KIF1B: variants seen among roughly 807,000 people sequenced by gnomAD.
KIF1B encodes kinesin-like protein KIF1B.
In KIF1B, 76 loss-of-function variants were observed where a neutral mutation model predicts 241.9. That is an observed-to-expected ratio of 0.31 (90% CI 0.26 to 0.38). The LOEUF (loss-of-function observed/expected upper bound fraction) is 0.38, where lower values mean the gene tolerates loss of function less well. KIF1B is among the 10% of genes least tolerant of loss of function. The probability of loss-of-function intolerance (pLI) is 1.00; values close to 1 mark genes in which losing one functional copy is unlikely to be tolerated. For missense variants in KIF1B, 1,622 were observed against 2,271.4 expected, an observed-to-expected ratio of 0.71 and a Z score of 5.81; for synonymous variants, 750 against 796.7, an observed-to-expected ratio of 0.94 and a Z score of 0.99.
At chr1:10,372,663 G>T (rs188880781) in intron 45 of KIF1B, among the ~76,000 whole-genome samples, 31,944 of 116,636 alleles carry the variant, frequency 0.27, 4,532 homozygotes, top group Admixed American at 0.32. Flanking sequence ...GGGTGACAGA[G>T]CTGTCACCCA....
At chr1:10,301,959 T>C (rs1290700008) in intron 22 of KIF1B, among the ~76,000 whole-genome samples, 1 of 152,186 alleles carries the variant, frequency 6.6e-6, no homozygotes, top group Non-Finnish European at 1.5e-5. Context: ...AAAGAGGCAA[T>C]GGTGCAAAGA....
intron 16 of KIF1B, among the ~76,000 whole-genome samples, chr1:10,291,490 C>T (rs986244446): frequency 3.9e-5 from 6 of 152,062 alleles, no homozygotes; most frequent in Non-Finnish European, 7.4e-5. Context: ...GTGGGCAGAT[C>T]ACGAGGTCGG....
intron 32 of KIF1B, 108 bp downstream of exon 32, chr1:10,339,967 G>C: frequency 1.1e-6 from 1 of 917,300 alleles, no homozygotes; most frequent in South Asian, 1.4e-5. Context: ...TGTGCAGGGG[G>C]AGAGTAGACA....
intron 23 of KIF1B, among the ~76,000 whole-genome samples, chr1:10,320,381 A>G (rs546941888): frequency 2.6e-5 from 4 of 152,278 alleles, no homozygotes; most frequent in Admixed American, 2.0e-4. Context: ...GAGCACGTTC[A>G]TTTAAATCCC....
At chr1:10,267,813 TGTTA>T (rs1428475643) in intron 6 of KIF1B, among the ~76,000 whole-genome samples, 1 of 152,174 alleles carries the variant, frequency 6.6e-6, no homozygotes, top group Non-Finnish European at 1.5e-5. Context: ...CATGGTAAAA[TGTTA>T]GTTATCATGT....
rs960143352 is a variant in KIF1B, at chr1:10,253,971, C to T, written c.107-2276C>T. Among the ~76,000 whole-genome samples, 4 of 152,148 alleles carry T rather than the reference C, an allele frequency of 2.6e-5. No homozygotes were observed. In the East Asian group the frequency reaches 5.8e-4, roughly 22 times the overall value. The stretch of plus-strand genomic sequence containing the variant: ...ATTTGTGTACTGAGCAACAGCTGTG[C>T]GAGACAGATTTATTTTTTAATCCTG... On this transcript the variant is annotated intron_variant, in intron 2 of 48. Transcript: ENST00000676179.
intron 22 of KIF1B, among the ~76,000 whole-genome samples, chr1:10,301,502 C>T (rs1015206193): frequency 6.6e-6 from 1 of 151,868 alleles, no homozygotes; most frequent in Non-Finnish European, 1.5e-5. Flanking sequence ...CCCATCTCTA[C>T]CAAAAATGCA....
At chr1:10,239,830 A>G (rs1310324730) in intron 2 of KIF1B, among the ~76,000 whole-genome samples, 3 of 150,928 alleles carry the variant, frequency 2.0e-5, no homozygotes, top group Non-Finnish European at 3.0e-5. Context: ...CAGTGGCGCA[A>G]TCTTGGCTCA....
intron 7 of KIF1B, among the ~76,000 whole-genome samples, chr1:10,270,032 C>T (rs1648703273): frequency 1.3e-5 from 2 of 151,978 alleles, no homozygotes; most frequent in South Asian, 4.2e-4. Flanking sequence ...ATTTTGGATA[C>T]TTTTGTCTAA....
chr1:10,367,719 T>G (rs115345754), intron 43 of KIF1B, among the ~76,000 whole-genome samples: 2,790 of 150,606 alleles, frequency 0.019, 36 homozygotes, highest in Non-Finnish European at 0.028. Context: ...TAGGTGTTTT[T>G]TTTGTTTGTT....
chr1:10,340,730 T>A (rs1159182614), intron 32 of KIF1B, among the ~76,000 whole-genome samples: 1 of 152,082 alleles, frequency 6.6e-6, no homozygotes, highest in East Asian at 1.9e-4. Flanking sequence ...GAGTTGAGAT[T>A]GTGCCACTGC....
chr1:10,299,988 G>A (rs1265262080), intron 22 of KIF1B, among the ~76,000 whole-genome samples: 1 of 152,094 alleles, frequency 6.6e-6, no homozygotes, highest in Non-Finnish European at 1.5e-5. Context: ...TGTAATCCCA[G>A]CACTTTGGGA....
intron 1 of KIF1B, among the ~76,000 whole-genome samples, chr1:10,212,866 A>G (rs559513599): frequency 9.2e-5 from 13 of 141,386 alleles, no homozygotes; most frequent in East Asian, 2.1e-4. Flanking sequence ...GTATATATAT[A>G]TGTGTGTGTG....
At chr1:10,304,546 A>G in intron 22 of KIF1B, 1 of 1,614,116 alleles carries the variant, frequency 6.2e-7, no homozygotes, top group Admixed American at 1.7e-5. Context: ...TCAGAAGCAG[A>G]CTGACAAACC....
Position 10,365,813 on chromosome 1 carries a change from A to G in KIF1B, c.4752+165A>G, listed in dbSNP as rs1245826131. On this transcript the variant is annotated intron_variant, in intron 43 of 48. Coordinates refer to ENST00000676179, the MANE Select transcript of KIF1B (RefSeq NM_001365951.3). The surrounding 1 kb of genome is among the most constrained non-coding windows in gnomAD (Gnocchi z 4.0). The stretch of plus-strand genomic sequence containing the variant: ...CAGTTCCTACCCTCAACAAGCTTAC[A>G]GGGCCAGGCACAGTGCCTGATGCCT... 1.3e-5 allele frequency among the ~76,000 whole-genome samples: 2 copies of G among 152,194 alleles called. No individual in the cohort carries two copies. The highest frequency in any genetic ancestry group is 2.4e-5 in the African/African-American group (1 of 41,442).
intron 28 of KIF1B, among the ~76,000 whole-genome samples, chr1:10,335,043 C>A (rs887553756): frequency 6.6e-6 from 1 of 151,546 alleles, no homozygotes; most frequent in Non-Finnish European, 1.5e-5. Flanking sequence ...GCTCAGCCAT[C>A]CTCCCACCTC....
Position 10,258,481 on chromosome 1 carries a change from T to C in KIF1B, c.184-12T>C, listed in dbSNP as rs1279172345. The C allele has an allele frequency of 6.2e-7, 1 of 1,612,692 alleles. No individual in the cohort carries two copies. Among genetic ancestry groups the C allele is most frequent in the African/African-American group, 1.3e-5 (1 of 74,880 alleles). On this transcript the variant is annotated splice_polypyrimidine_tract_variant and intron_variant, in intron 3 of 48. Coordinates refer to ENST00000676179, the MANE Select transcript of KIF1B (RefSeq NM_001365951.3). ...ATAAAAGGTTATTTATTTCTCCTTTTACTCTTTACAGCCCGAAGATCCCTG... is the reference window on the plus strand; with the variant it reads ...ATAAAAGGTTATTTATTTCTCCTTTCACTCTTTACAGCCCGAAGATCCCTG...
chr1:10,343,364 A>C, intron 34 of KIF1B, 77 bp downstream of exon 34: 1 of 1,400,044 alleles, frequency 7.1e-7, no homozygotes, highest in South Asian at 1.2e-5. Flanking sequence ...TTTCAAATAG[A>C]AGTCATGTTT....
chr1:10,316,769 TG>T lies in KIF1B; in HGVS notation c.2116-3271del, dbSNP rs1450508751. ...TGCCTGCCTCAGCCTCCCAAAGTGC[TG>T]GGATTATAGGCATTGAGTCACTGTG... On this transcript the variant is annotated intron_variant, in intron 22 of 48. Coordinates refer to ENST00000676179, the MANE Select transcript of KIF1B (RefSeq NM_001365951.3). Among the ~76,000 whole-genome samples the T allele has an allele frequency of 4.0e-5, 6 of 151,746 alleles. 1 individual carries two copies. The highest frequency in any genetic ancestry group is 1.5e-4 in the African/African-American group (6 of 40,988).
Sources: allele counts gnomAD v4.1 joint callset (sites outside exome capture counted in the v4.1 genomes callset), GRCh38; gene constraint gnomAD v4.1.1; non-coding constraint Gnocchi (gnomAD v3.1); transcripts MANE v1.5; gene names NCBI Gene and HGNC (gene_info 2026-07-23, HGNC 2026-07-21).